Variants in COL11A2 observed in about 807,000 individuals in gnomAD.
COL11A2 encodes collagen type XI alpha 2 chain.
Under a neutral mutation model 273.4 loss-of-function variants are expected in COL11A2, and 116 were observed. The observed-to-expected ratio is 0.42, with a 90% CI of 0.36 to 0.49. The LOEUF (loss-of-function observed/expected upper bound fraction) is 0.49. Ranked by LOEUF, COL11A2 falls within the 20% of genes least tolerant of loss-of-function variation. The pLI, the probability that COL11A2 is intolerant of heterozygous loss-of-function variation, is 0.00. For missense variants in COL11A2, 1,866 were observed against 2,309.0 expected (o/e 0.81, Z 3.93); for synonymous variants, 782 against 864.2 (o/e 0.90, Z 1.67).
rs764683170 is a variant in COL11A2 at position 33,177,760 on chromosome 6, G to T, written c.1873-54C>A. On this transcript the variant is annotated intron_variant, in intron 21 of 65. Transcript: ENST00000341947. This position sits in a 1 kb window ranked among gnomAD's most constrained non-coding sequence, Gnocchi z 5.9. ...TGAAGGTGGCCCGGAGGGACCTGTG[G>T]TTTTCAGAGGCCCGGCCATTCCCGA... 1.9e-6 allele frequency: 3 copies of T among 1,597,546 alleles called. No individual in the cohort carries two copies. The South Asian group carries it at 3.3e-5, about 18-fold the overall frequency.
rs776559969 is a variant in COL11A2 at position 33,177,149 on chromosome 6, C to A, written c.2016+32G>T. On this transcript the variant is annotated intron_variant, in intron 24 of 65. Coordinates refer to ENST00000341947, the MANE Select transcript of COL11A2 (RefSeq NM_080680.3). This position sits in a 1 kb window ranked among gnomAD's most constrained non-coding sequence, Gnocchi z 5.9. ...GTTCTCCCTACATCCCCACTCTAAA[C>A]CCCCTGTCCTCCAAATCACTTAGTC... is the stretch of plus-strand genomic sequence containing the variant. The A allele has an allele frequency of 3.1e-6, 5 of 1,612,958 alleles. No individual in the cohort carries two copies. Among genetic ancestry groups the A allele is most frequent in the Admixed American group, 3.3e-5 (2 of 60,026 alleles).
chr6:33,178,209 G>A lies in COL11A2; in HGVS notation c.1819-24C>T, dbSNP rs1771191058. 6.2e-7 allele frequency: 1 copy of A among 1,612,388 alleles called. No individual in the cohort carries two copies. Among genetic ancestry groups the A allele is most frequent in the Non-Finnish European group, 8.5e-7 (1 of 1,179,588 alleles). On this transcript the variant is annotated intron_variant, in intron 20 of 65. Transcript: ENST00000341947. This position sits in a 1 kb window ranked among gnomAD's most constrained non-coding sequence, Gnocchi z 4.6. ...CCCTGCATTCACGGTGAGGGGAGGA[G>A]ACGGCATGAATGGATAAAACTGTGT... is the stretch of plus-strand genomic sequence containing the variant.
Position 33,163,399 on chromosome 6 carries a change from G to T in COL11A2, c.*279C>A. The T allele has an allele frequency of 1.8e-6, 1 of 555,370 alleles. No homozygotes were observed. Among genetic ancestry groups the T allele is most frequent in the Non-Finnish European group, 3.2e-6 (1 of 310,330 alleles). The allele number at this position is 555,370 out of a possible 1,614,324, so 34.4% of individuals were successfully genotyped here. ...CCTTTCTCTTCTCTTCCATTTGTTT[G>T]GGGTGATTGGGAGGTGAGTTTTAAA... On this transcript the variant is annotated 3_prime_UTR_variant, in exon 66 of 66. Coordinates refer to ENST00000341947, the MANE Select transcript of COL11A2 (RefSeq NM_080680.3). The surrounding 1 kb of genome is among the most constrained non-coding windows in gnomAD (Gnocchi z 4.1).
Position 33,173,732 on chromosome 6 carries a change from C to A in COL11A2, c.2597G>T (p.Gly866Val). The change falls in exon 35 of 66, where the codon GGT (glycine) becomes GTT (valine). Residue 866 changes from glycine (G) to valine (V), a missense_variant. Physicochemically the swap from Gly to Val is moderately radical, Grantham distance 109. Coordinates refer to ENST00000341947, the MANE Select transcript of COL11A2 (RefSeq NM_080680.3). The surrounding 1 kb of genome is among the most constrained non-coding windows in gnomAD (Gnocchi z 6.3). ...TCCAGGGGGCCCATGGGGGCCATCA[C>A]CACCAGATGTTCCCTGTGGGGGGAA... ...GKSGAKGTSG[G>V]DGPHGPPGER... is the part of the protein sequence containing the mutation. 1 of 1,586,384 alleles carries A rather than the reference C, an allele frequency of 6.3e-7. No individual in the cohort carries two copies. The highest frequency in any genetic ancestry group is 8.6e-7 in the Non-Finnish European group (1 of 1,164,314).
Position 33,164,804 on chromosome 6 carries a change from G to A in COL11A2, c.4863+48C>T, listed in dbSNP as rs994770711. The A allele has an allele frequency of 2.0e-6, 3 of 1,500,686 alleles. No homozygotes were observed. Among genetic ancestry groups the A allele is most frequent in the Admixed American group, 3.9e-5 (2 of 50,838 alleles). 93.0% of individuals were successfully genotyped at this position (1,500,686 alleles called of 1,614,324 possible). The stretch of plus-strand genomic sequence containing the variant: ...AACCCAGAAACCACTAAGCCCTGAG[G>A]GGGTGCACTATGGGGCAGGGGAGGG... On this transcript the variant is annotated intron_variant, in intron 64 of 65. Transcript: ENST00000341947. This position sits in a 1 kb window ranked among gnomAD's most constrained non-coding sequence, Gnocchi z 4.7.
At chr6:33,181,304 G>T in intron 8 of COL11A2, 134 bp from the exon 9 acceptor site, 1 of 899,020 alleles carries the variant, frequency 1.1e-6, no homozygotes, top group Non-Finnish European at 1.8e-6. Context: ...AAGCCCCACA[G>T]CCCTCCCCTA....
chr6:33,175,546 C>A, intron 30 of COL11A2, 28 bp downstream of exon 30: 1 of 1,598,034 alleles, frequency 6.3e-7, no homozygotes, highest in Non-Finnish European at 8.6e-7. Flanking sequence ...CCCCAGAGGA[C>A]CCAGGCACAG....
At position 33,163,096 on chromosome 6, in the gene COL11A2, C is replaced by T. The variant is rs1327792903; in HGVS notation, c.*582G>A. The T allele has an allele frequency of 6.4e-6, 1 of 157,348 alleles. No homozygotes were observed. Among genetic ancestry groups the T allele is most frequent in the Non-Finnish European group, 1.4e-5 (1 of 70,392 alleles). The allele number at this position is 157,348 out of a possible 1,614,324, so 9.7% of individuals were successfully genotyped here. On this transcript the variant is annotated 3_prime_UTR_variant, in exon 66 of 66. Coordinates refer to ENST00000341947, the MANE Select transcript of COL11A2 (RefSeq NM_080680.3). The surrounding 1 kb of genome is among the most constrained non-coding windows in gnomAD (Gnocchi z 4.1). ...GAGCCCCACCCTGGCAGAGTCAGAG[C>T]CCTGAGGCCAGGGAGACCACATATT...
Position 33,167,029 on chromosome 6 carries a change from G to A in COL11A2, c.4230+41C>T, listed in dbSNP as rs374431203. 2.5e-5 allele frequency: 41 copies of A among 1,611,518 alleles called. No homozygotes were observed. In the African/African-American group the frequency reaches 4.8e-4, roughly 19 times the overall value. On this transcript the variant is annotated intron_variant, in intron 58 of 65. Coordinates refer to ENST00000341947, the MANE Select transcript of COL11A2 (RefSeq NM_080680.3). The surrounding 1 kb of genome is among the most constrained non-coding windows in gnomAD (Gnocchi z 6.1). ...TCCCACAGGTTTCAGGGGCGAGGGT[G>A]ATGGGAGAGACACCTGGCCACGTGT...
In COL11A2 at chr6:33,181,035, C is replaced by T. The variant is rs200065336; in HGVS notation, c.1180-30G>A. On this transcript the variant is annotated intron_variant, in intron 9 of 65. Coordinates refer to ENST00000341947, the MANE Select transcript of COL11A2 (RefSeq NM_080680.3). The stretch of plus-strand genomic sequence containing the variant: ...GGAGTCAAAGGTTAAAAATCAGAGG[C>T]GACAGGACCAGCACACTCAACCCCA... The T allele has an allele frequency of 4.9e-5, 79 of 1,614,024 alleles. No individual in the cohort carries two copies. The South Asian group carries it at 5.1e-4, about 10-fold the overall frequency.
At position 33,178,294 on chromosome 6, in the gene COL11A2, C is replaced by T. The variant is rs773808955; in HGVS notation, c.1818+14G>A. 12 of 1,612,822 alleles carry T rather than the reference C, an allele frequency of 7.4e-6. No individual in the cohort carries two copies. Among genetic ancestry groups the T allele is most frequent in the Non-Finnish European group, 1.0e-5 (12 of 1,179,956 alleles). On this transcript the variant is annotated intron_variant, in intron 20 of 65. Transcript: ENST00000341947. The surrounding 1 kb of genome is among the most constrained non-coding windows in gnomAD (Gnocchi z 4.6). ...CAGAGCCCCCTCCCCCAGCACCAGC[C>T]CTTGGACACTCACCGACTCTCCAGG...
At chr6:33,185,803 C>G in intron 5 of COL11A2, 25 bp from the exon 6 acceptor site, 2 of 864,228 alleles carry the variant, frequency 2.3e-6, no homozygotes, top group South Asian at 1.4e-5. Context: ...TGGGCATAGA[C>G]AGGAAGGGGA....
Position 33,170,082 on chromosome 6 carries a change from C to T in COL11A2, c.3601G>A (p.Gly1201Arg). 1 of 1,613,064 alleles carries T rather than the reference C, an allele frequency of 6.2e-7. No homozygotes were observed. Among genetic ancestry groups the T allele is most frequent in the Non-Finnish European group, 8.5e-7 (1 of 1,180,018 alleles). ...NGADGPQGPP[G>R]GVGNLGPPGE... The stretch of plus-strand genomic sequence containing the variant: ...GGGGGACCCAGGTTCCCAACACCTC[C>T]TGGGGGACCTTGTGGGCCCTGGAAG... Residue 1201 changes from glycine to arginine, a missense_variant, in exon 49 of 66, where the codon GGA becomes AGA. By Grantham distance (125) the Gly-to-Arg change is moderately radical. Coordinates refer to ENST00000341947, the MANE Select transcript of COL11A2 (RefSeq NM_080680.3). The surrounding 1 kb of genome is among the most constrained non-coding windows in gnomAD (Gnocchi z 4.3).
rs142462583 is a variant in COL11A2 at position 33,188,429 on chromosome 6, C to T, written c.539G>A (p.Arg180His). The change falls in exon 4 of 66, where the codon CGT (arginine) becomes CAT (histidine). Residue 180 changes from arginine (R) to histidine (H), a missense_variant. By Grantham distance (29) the Arg-to-His change is conservative. Coordinates refer to ENST00000341947, the MANE Select transcript of COL11A2 (RefSeq NM_080680.3). ...CACTCCATGGGTGTCCAATACTGGA[C>T]GAGCACTTCGGGGGAGAGGCCGGGT... is the stretch of plus-strand genomic sequence containing the variant. The part of the protein sequence containing the change: ...RVTRPLPRSA[R>H]PVLDTHGVII... The T allele has an allele frequency of 1.6e-4, 259 of 1,613,014 alleles. No individual in the cohort carries two copies. The highest frequency in any genetic ancestry group is 2.0e-4 in the Non-Finnish European group (231 of 1,180,034).
Position 33,177,825 on chromosome 6 carries a change from G to T in COL11A2, c.1873-119C>A. On this transcript the variant is annotated intron_variant, in intron 21 of 65. Transcript: ENST00000341947. The surrounding 1 kb of genome is among the most constrained non-coding windows in gnomAD (Gnocchi z 5.9). ...GACCTCCAATCCATCCCAAACCCAA[G>T]CAAACACAGCTGGCCCAGGCCTGCA... The T allele has an allele frequency of 3.6e-6, 4 of 1,121,390 alleles. No homozygotes were observed. Among genetic ancestry groups the T allele is most frequent in the South Asian group, 1.3e-5 (1 of 77,480 alleles). The allele number at this position is 1,121,390 out of a possible 1,614,324, so 69.5% of individuals were successfully genotyped here.
chr6:33,193,248 G>C (rs1187001592), upstream of COL11A2, among the ~76,000 whole-genome samples: 1 of 151,906 alleles, frequency 6.6e-6, no homozygotes, highest in Non-Finnish European at 1.5e-5. Context: ...CCACGAGCGG[G>C]CACGGCGCCG....
chr6:33,187,958 C>T (rs1562386112), intron 4 of COL11A2, among the ~76,000 whole-genome samples: 1 of 151,748 alleles, frequency 6.6e-6, no homozygotes, highest in African/African-American at 2.4e-5. Flanking sequence ...GGAGGATTGA[C>T]AGGTGGGTGG....
rs1207077041 is a variant in COL11A2, at chr6:33,172,368, C to T, written c.2909G>A (p.Gly970Asp). The T allele has an allele frequency of 6.3e-7, 1 of 1,586,546 alleles. No individual in the cohort carries two copies. Among genetic ancestry groups the T allele is most frequent in the Non-Finnish European group, 8.6e-7 (1 of 1,167,010 alleles). Reference sequence around the variant, plus strand: ...ATCCTTCCCTGGGGCCCCAGGGGGACCAGGGTCACCCTAAAAGGAAAGGAG... The same window carrying T: ...ATCCTTCCCTGGGGCCCCAGGGGGATCAGGGTCACCCTAAAAGGAAAGGAG... ...AGKEGTKGDP[G>D]PPGAPGKDGP... The change falls in exon 40 of 66, where the codon GGT becomes GAT. Residue 970 changes from glycine to aspartate, a missense_variant. Gly to Asp is a moderately conservative substitution (Grantham distance 94). Transcript: ENST00000341947.
chr6:33,179,034 T>G lies in COL11A2; in HGVS notation c.1611+39A>C. ...CCGCAGTCCCCTACCCTGCAGGCCCTGTCTCCCCACAACACCCATCCACCC... is the reference window on the plus strand; with the variant it reads ...CCGCAGTCCCCTACCCTGCAGGCCCGGTCTCCCCACAACACCCATCCACCC... On this transcript the variant is annotated intron_variant, in intron 16 of 65. Transcript: ENST00000341947. This position sits in a 1 kb window ranked among gnomAD's most constrained non-coding sequence, Gnocchi z 6.4. 1.2e-6 allele frequency: 2 copies of G among 1,614,038 alleles called. No homozygotes were observed. Among genetic ancestry groups the G allele is most frequent in the Non-Finnish European group, 1.7e-6 (2 of 1,179,944 alleles).
Sources: gnomAD v4.1 joint callset for allele counts (sites outside exome capture counted in the v4.1 genomes callset) on GRCh38, gnomAD v4.1.1 for gene constraint, Gnocchi (gnomAD v3.1) non-coding constraint, MANE v1.5 for transcripts, NCBI Gene and HGNC (gene_info 2026-07-23, HGNC 2026-07-21) for gene names.